COG1: variants seen among roughly 807,000 people sequenced by gnomAD.
COG1 encodes component of oligomeric golgi complex 1.
Under a neutral mutation model 102.2 loss-of-function variants are expected in COG1, and 61 were observed. That is an observed-to-expected ratio of 0.60 (90% CI 0.49 to 0.74). The LOEUF (loss-of-function observed/expected upper bound fraction) is 0.74. Among genes scored for constraint, COG1 ranks in the 30% least tolerant of loss-of-function variants. The pLI is 0.00. For missense variants in COG1, 1,164 were observed against 1,232.1 expected, an observed-to-expected ratio of 0.94 and a Z score of 0.83; for synonymous variants, 454 against 493.6, an observed-to-expected ratio of 0.92 and a Z score of 1.06.
intron 1 of COG1, among the ~76,000 whole-genome samples, chr17:73,194,457 AAG>A (rs2061317357): frequency 2.1e-5 from 3 of 143,412 alleles, no homozygotes; most frequent in African/African-American, 7.7e-5. Context: ...AAAAAAAAAA[AAG>A]AATTTTTATT....
rs2061345140 is a variant in COG1 at position 73,201,123 on chromosome 17, A to C, written c.1296A>C (p.Glu432Asp). The C allele has an allele frequency of 2.5e-6, 4 of 1,614,172 alleles. No homozygotes were observed. Among genetic ancestry groups the C allele is most frequent in the Non-Finnish European group, 3.4e-6 (4 of 1,180,024 alleles). The change falls in exon 7 of 14, where the codon GAA becomes GAC. Residue 432 changes from glutamate (E) to aspartate (D), a missense_variant. Coordinates refer to ENST00000299886, the MANE Select transcript of COG1 (RefSeq NM_018714.3). ...FLDRLQTLTK[E>D]GFDSISSSSK... ...TTCTCTTTTAGACTCTGACAAAAGA[A>C]GGCTTTGACTCCATCTCCAGTAGCT...
At chr17:73,193,735 G>A (rs2061312540) in intron 1 of COG1, among the ~76,000 whole-genome samples, 1 of 152,110 alleles carries the variant, frequency 6.6e-6, no homozygotes, top group Admixed American at 6.6e-5. Flanking sequence ...TATATAACAT[G>A]TCCTGACATT....
chr17:73,208,019 A>T, intron 13 of COG1: 1 of 1,319,164 alleles, frequency 7.6e-7, no homozygotes, highest in Non-Finnish European at 9.7e-7. Flanking sequence ...TTTCCACTGC[A>T]GTGATCTTTC....
intron 13 of COG1, 191 bp downstream of exon 13, chr17:73,207,447 G>A: frequency 1.4e-6 from 1 of 707,862 alleles, no homozygotes; most frequent in Non-Finnish European, 2.5e-6. Context: ...TGTAAAAGAT[G>A]CCCGCTGACA....
intron 1 of COG1, among the ~76,000 whole-genome samples, chr17:73,193,782 C>T (rs2061312861): frequency 6.6e-6 from 1 of 152,172 alleles, no homozygotes. Flanking sequence ...TTGACACCTG[C>T]ACTCCAAGTC....
At chr17:73,206,897 C>T in intron 12 of COG1, 80 bp downstream of exon 12, 1 of 1,022,814 alleles carries the variant, frequency 9.8e-7, no homozygotes. Context: ...CGAGACCATC[C>T]TGGCTAACAT....
At chr17:73,205,456 T>G in intron 9 of COG1, 97 bp from the exon 10 acceptor site, 1 of 1,304,718 alleles carries the variant, frequency 7.7e-7, no homozygotes, top group Non-Finnish European at 1.1e-6. Flanking sequence ...GCTTCTGAAA[T>G]AGCAAGCTGA....
At chr17:73,207,160 T>A in intron 12 of COG1, 21 bp from the exon 13 acceptor site, 1 of 1,605,890 alleles carries the variant, frequency 6.2e-7, no homozygotes, top group Non-Finnish European at 8.5e-7. Flanking sequence ...TGCTACTAAA[T>A]TCTTTCCTCT....
chr17:73,207,319 T>C (rs769779143), intron 13 of COG1, 63 bp downstream of exon 13: 13 of 1,407,720 alleles, frequency 9.2e-6, no homozygotes, highest in South Asian at 8.1e-5. Flanking sequence ...GAGCCACCCA[T>C]GATCAGCTCC....
chr17:73,198,711 T>C (rs1291527538), intron 4 of COG1, among the ~76,000 whole-genome samples: 1 of 152,186 alleles, frequency 6.6e-6, no homozygotes, highest in Non-Finnish European at 1.5e-5. Flanking sequence ...AGACACACTG[T>C]TGTACATCTG....
At chr17:73,195,543 G>A (rs1447506507) in intron 1 of COG1, among the ~76,000 whole-genome samples, 2 of 151,638 alleles carry the variant, frequency 1.3e-5, no homozygotes, top group African/African-American at 4.9e-5. Context: ...GAGCCCAAGA[G>A]GTCAAGGCTG....
chr17:73,202,991 T>C lies in COG1; in HGVS notation c.2074-9T>C, dbSNP rs2061353267. On this transcript the variant is annotated splice_polypyrimidine_tract_variant and intron_variant, in intron 7 of 13. Transcript: ENST00000299886. ...GTGGCTTGTATGGATATCTGCCTTT[T>C]ATTACCAGGTTTTGATTCATGGATT... 4 of 1,614,008 alleles carry C rather than the reference T, an allele frequency of 2.5e-6. No homozygotes were observed. The highest frequency in any genetic ancestry group is 3.4e-6 in the Non-Finnish European group (4 of 1,179,986).
chr17:73,203,325 C>T (rs1304073696), intron 8 of COG1, 179 bp downstream of exon 8: 1 of 827,396 alleles, frequency 1.2e-6, no homozygotes, highest in African/African-American at 1.7e-5. Context: ...TTCAAGAAGT[C>T]AGTTAACCAT....
At position 73,206,861 on chromosome 17, in the gene COG1, A is replaced by C. The variant is rs771973893; in HGVS notation, c.2729+44A>C. The C allele has an allele frequency of 7.4e-6, 10 of 1,342,472 alleles. No homozygotes were observed. In the South Asian group the frequency reaches 1.2e-4, roughly 16 times the overall value. The allele number at this position is 1,342,472 out of a possible 1,614,324, so 83.2% of individuals were successfully genotyped here. On this transcript the variant is annotated intron_variant, in intron 12 of 13. Transcript: ENST00000299886. The stretch of plus-strand genomic sequence containing the variant: ...CTTCTGCGGGGCACTTCGGGAGGCC[A>C]AGGTGGACGGATCACGTCAGGAGAT...
chr17:73,207,549 C>A, intron 13 of COG1: 1 of 638,044 alleles, frequency 1.6e-6, no homozygotes, highest in Non-Finnish European at 2.6e-6. Flanking sequence ...GAGTTAACTG[C>A]CAACCCGGCA....
intron 1 of COG1, 64 bp from the exon 2 acceptor site, chr17:73,196,443 C>T (rs577132725): frequency 2.5e-6 from 4 of 1,612,604 alleles, no homozygotes; most frequent in South Asian, 1.1e-5. Context: ...TCTTCCTAAG[C>T]CTACAGAACA....
chr17:73,203,657 T>G lies in COG1; in HGVS notation c.2246T>G (p.Leu749Arg). The G allele has an allele frequency of 3.1e-6, 5 of 1,614,248 alleles. No homozygotes were observed. Among genetic ancestry groups the G allele is most frequent in the Non-Finnish European group, 4.2e-6 (5 of 1,180,046 alleles). Residue 749 changes from leucine (L) to arginine (R), a missense_variant, in exon 9 of 14, where the codon CTG (leucine) becomes CGG (arginine). Transcript: ENST00000299886. ...CCGTCCTGGTATGTACAGTCCTTCC[T>G]GTTTAGTTTATGCCAGGAAATTAAT... Reference protein sequence around the residue: ...AQPSWYVQSFLFSLCQEINRV... With the variant: ...AQPSWYVQSFRFSLCQEINRV...
At chr17:73,207,940 A>T in intron 13 of COG1, 1 of 1,203,240 alleles carries the variant, frequency 8.3e-7, no homozygotes, top group Non-Finnish European at 1.0e-6. Flanking sequence ...AGTTTAAAAA[A>T]AAAAAAAGCT....
rs9913183 is a variant in COG1, at chr17:73,205,817, G to A, written c.2510+137G>A. On this transcript the variant is annotated intron_variant, in intron 10 of 13. Coordinates refer to ENST00000299886, the MANE Select transcript of COG1 (RefSeq NM_018714.3). ...GTTTTGAACAGTAAGTGCTCATATT[G>A]CCAGCAAGTTAAATAATGGCCGCCT... 1,105,338 of 1,148,618 alleles carry A rather than the reference G, an allele frequency of 0.96. 533,997 individuals carry two copies. Among genetic ancestry groups the A allele is most frequent in the Non-Finnish European group, 0.99 (764,291 of 771,304 alleles). 71.2% of individuals were successfully genotyped at this position (1,148,618 alleles called of 1,614,324 possible). A position where few individuals can be genotyped will look rare whatever the true frequency, so the allele number is the denominator to read the frequency against.
Sources: allele counts gnomAD v4.1 joint callset (sites outside exome capture counted in the v4.1 genomes callset), GRCh38; gene constraint gnomAD v4.1.1; transcripts MANE v1.5; gene names NCBI Gene and HGNC (gene_info 2026-07-23, HGNC 2026-07-21).